RALGPS1: variants seen among roughly 807,000 people sequenced by gnomAD.
RALGPS1 encodes the protein ras-specific guanine nucleotide-releasing factor RalGPS1.
A neutral mutation model predicts 78.8 loss-of-function variants in RALGPS1; 19 were observed. That is an observed-to-expected ratio of 0.24 (90% CI 0.17 to 0.35). RALGPS1 has a LOEUF of 0.35. Among genes scored for constraint, RALGPS1 ranks in the 10% least tolerant of loss-of-function variants. The pLI is 1.00. For missense variants in RALGPS1, 454 were observed against 688.3 expected, an observed-to-expected ratio of 0.66 and a Z score of 3.81; for synonymous variants, 228 against 256.3, an observed-to-expected ratio of 0.89 and a Z score of 1.06.
intron 1 of RALGPS1, among the ~76,000 whole-genome samples, chr9:126,926,419 G>A (rs1049473486): frequency 1.4e-4 from 21 of 152,198 alleles, no homozygotes; most frequent in African/African-American, 4.8e-4. Flanking sequence ...TCCAGGTGAA[G>A]CAGGATACAG....
chr9:127,136,440 A>G (rs946428), intron 8 of RALGPS1, among the ~76,000 whole-genome samples: 71,154 of 152,026 alleles, frequency 0.47, 17,310 homozygotes, highest in Non-Finnish European at 0.52. Context: ...CCCTGCTGGG[A>G]GCTCCCAGAG....
At chr9:127,040,265 G>A (rs775630933) in intron 5 of RALGPS1, among the ~76,000 whole-genome samples, 2 of 152,148 alleles carry the variant, frequency 1.3e-5, no homozygotes, top group Non-Finnish European at 2.9e-5. Flanking sequence ...GCTGGGCATG[G>A]TGGTGCACAC....
chr9:127,192,768 A>C (rs555527384), intron 11 of RALGPS1, among the ~76,000 whole-genome samples: 1 of 152,376 alleles, frequency 6.6e-6, no homozygotes, highest in Admixed American at 6.5e-5. Context: ...CAACTCCAGC[A>C]TGAGGGGTGT....
At chr9:127,115,877 G>T (rs2055357635) in intron 8 of RALGPS1, among the ~76,000 whole-genome samples, 1 of 152,228 alleles carries the variant, frequency 6.6e-6, no homozygotes, top group South Asian at 2.1e-4. Context: ...TGCATTGTTT[G>T]TCCTGGATGA....
rs1160842251 is a variant in RALGPS1, at chr9:127,219,083, T to C, written c.*314T>C. The C allele has an allele frequency of 2.2e-6, 1 of 447,258 alleles. No homozygotes were observed. Among genetic ancestry groups the C allele is most frequent in the African/African-American group, 2.0e-5 (1 of 50,092 alleles). The allele number at this position is 447,258 out of a possible 1,614,324, so 27.7% of individuals were successfully genotyped here. A position where few individuals can be genotyped will look rare whatever the true frequency, so the allele number is the denominator to read the frequency against. On this transcript the variant is annotated 3_prime_UTR_variant, in exon 19 of 19. Coordinates refer to ENST00000259351, the MANE Select transcript of RALGPS1 (RefSeq NM_014636.3). The surrounding 1 kb of genome is among the most constrained non-coding windows in gnomAD (Gnocchi z 5.0). ...AGAGCACCCGGCCCACGTTGGGTTC[T>C]CAGTGCTTTCTACTGCACAGAGTGG... is the stretch of plus-strand genomic sequence containing the variant.
At chr9:126,957,725 G>A (rs1487064562) in intron 1 of RALGPS1, among the ~76,000 whole-genome samples, 1 of 152,114 alleles carries the variant, frequency 6.6e-6, no homozygotes, top group Non-Finnish European at 1.5e-5. Context: ...GGGAGTTTCT[G>A]TTGGAGGGTC....
intron 4 of RALGPS1, among the ~76,000 whole-genome samples, chr9:127,007,251 T>TA (rs761358620): frequency 1.3e-5 from 2 of 152,228 alleles, no homozygotes; most frequent in African/African-American, 2.4e-5. Flanking sequence ...CTGGAAAACT[T>TA]ACTTTTTCCA....
chr9:126,990,923 A>G (rs1258121154), intron 4 of RALGPS1, among the ~76,000 whole-genome samples: 3 of 152,152 alleles, frequency 2.0e-5, no homozygotes, highest in Admixed American at 2.0e-4. Flanking sequence ...TAATAATACT[A>G]AAATCCCTTG....
At chr9:126,985,663 G>T (rs1333144142) in intron 4 of RALGPS1, among the ~76,000 whole-genome samples, 1 of 152,064 alleles carries the variant, frequency 6.6e-6, no homozygotes, top group Non-Finnish European at 1.5e-5. Flanking sequence ...ACATTTTCTT[G>T]CAGTTAGTTC....
In RALGPS1 at chr9:127,221,088, C is replaced by T. The variant is rs898443632; in HGVS notation, c.*2319C>T. On this transcript the variant is annotated 3_prime_UTR_variant, in exon 19 of 19. Transcript: ENST00000259351. ...ATAGAAGCAGTAAGAGGCTTGACCACGCCGGAAGAGTCCTGGAGCTAAAGC... is the reference window on the plus strand; with the variant it reads ...ATAGAAGCAGTAAGAGGCTTGACCATGCCGGAAGAGTCCTGGAGCTAAAGC... 3.9e-5 allele frequency: 6 copies of T among 152,300 alleles called. No homozygotes were observed. The highest frequency in any genetic ancestry group is 1.2e-4 in the African/African-American group (5 of 41,458). The allele number at this position is 152,300 out of a possible 1,614,324, so 9.4% of individuals were successfully genotyped here.
intron 8 of RALGPS1, among the ~76,000 whole-genome samples, chr9:127,158,517 C>T (rs1274968265): frequency 6.6e-6 from 1 of 152,082 alleles, no homozygotes; most frequent in Non-Finnish European, 1.5e-5. Flanking sequence ...TAATATTGTT[C>T]ATCTGTGTCT....
chr9:126,975,826 G>T (rs1031928943), intron 3 of RALGPS1, among the ~76,000 whole-genome samples: 1 of 152,164 alleles, frequency 6.6e-6, no homozygotes, highest in African/African-American at 2.4e-5. Context: ...GGTGGAAACT[G>T]GAGGCGGAAG....
intron 8 of RALGPS1, chr9:127,108,834 T>C: frequency 7.9e-7 from 1 of 1,271,390 alleles, no homozygotes; most frequent in Non-Finnish European, 1.1e-6. Flanking sequence ...GTCAGTGCCC[T>C]GTGCCATCAG....
chr9:127,060,178 A>C (rs2049083325), intron 7 of RALGPS1, among the ~76,000 whole-genome samples: 1 of 152,172 alleles, frequency 6.6e-6, no homozygotes, highest in Non-Finnish European at 1.5e-5. Context: ...TCAGAGAGAC[A>C]CGTCAGGTAT....
At chr9:127,215,670 C>T (rs2062538109) in intron 18 of RALGPS1, among the ~76,000 whole-genome samples, 1 of 152,152 alleles carries the variant, frequency 6.6e-6, no homozygotes, top group African/African-American at 2.4e-5. Context: ...CTGGTAACCC[C>T]TGCAGCTGAG....
chr9:127,056,042 C>T (rs1427701553), intron 7 of RALGPS1, among the ~76,000 whole-genome samples: 3 of 152,162 alleles, frequency 2.0e-5, no homozygotes, highest in African/African-American at 4.8e-5. Context: ...GCCTTCTGGC[C>T]ACTGATTCCT....
chr9:127,134,176 C>T (rs2057237020), intron 8 of RALGPS1, among the ~76,000 whole-genome samples: 1 of 152,074 alleles, frequency 6.6e-6, no homozygotes, highest in South Asian at 2.1e-4. Context: ...GGGGGTCTCT[C>T]CTCCTTTGTT....
intron 4 of RALGPS1, among the ~76,000 whole-genome samples, chr9:126,995,187 C>G (rs1165968093): frequency 6.6e-6 from 1 of 152,144 alleles, no homozygotes; most frequent in Non-Finnish European, 1.5e-5. Context: ...ACAATATTAA[C>G]TTTAAGTGTA....
rs1454640161 is a variant in RALGPS1, at chr9:127,174,084, A to T, written c.843-631A>T. Among the ~76,000 whole-genome samples, 3 of 151,548 alleles carry T rather than the reference A, an allele frequency of 2.0e-5. No homozygotes were observed. The South Asian group carries it at 6.2e-4, about 32-fold the overall frequency. On this transcript the variant is annotated intron_variant, in intron 10 of 18. Transcript: ENST00000259351. ...AGACCATCCTGGCCAACATGGTGGA[A>T]CCCCGTCTCTACTAAGAATACAAAA... is the stretch of plus-strand genomic sequence containing the variant.
Sources: allele counts gnomAD v4.1 joint callset (sites outside exome capture counted in the v4.1 genomes callset), GRCh38; gene constraint gnomAD v4.1.1; non-coding constraint Gnocchi (gnomAD v3.1); transcripts MANE v1.5; gene names NCBI Gene and HGNC (gene_info 2026-07-23, HGNC 2026-07-21).